Variants in SENP5 observed in about 807,000 individuals in gnomAD.
SENP5 encodes the protein SUMO specific peptidase 5, also known as sentrin-specific protease 5.
In SENP5, 21 loss-of-function variants were observed where a neutral mutation model predicts 74.2. The observed-to-expected ratio is 0.28, with a 90% CI of 0.20 to 0.41. The LOEUF (loss-of-function observed/expected upper bound fraction) is 0.41. SENP5 is among the 10% of genes least tolerant of loss of function. SENP5 has a pLI of 1.00. For missense variants in SENP5, 717 were observed against 889.1 expected (o/e 0.81, Z 2.46); for synonymous variants, 311 against 312.7 (o/e 0.99, Z 0.06).
intron 2 of SENP5, among the ~76,000 whole-genome samples, chr3:196,895,370 T>C (rs1714399858): frequency 6.7e-6 from 1 of 150,246 alleles, no homozygotes; most frequent in South Asian, 2.1e-4. Flanking sequence ...TATTTTTTAG[T>C]AGAGACAGGG....
intron 5 of SENP5, among the ~76,000 whole-genome samples, chr3:196,901,366 A>T (rs1394697476): frequency 2.0e-5 from 3 of 152,004 alleles, no homozygotes; most frequent in Non-Finnish European, 4.4e-5. Context: ...TTTAACTTAA[A>T]ATCTTGCTCT....
chr3:196,922,485 C>G (rs1386280622), intron 6 of SENP5, among the ~76,000 whole-genome samples: 1 of 151,572 alleles, frequency 6.6e-6, no homozygotes, highest in East Asian at 1.9e-4. Flanking sequence ...GGTCTCACTC[C>G]GTCGCCCAGG....
At chr3:196,873,259 G>T (rs1713296604) in intron 1 of SENP5, among the ~76,000 whole-genome samples, 1 of 151,584 alleles carries the variant, frequency 6.6e-6, no homozygotes, top group African/African-American at 2.4e-5. Context: ...TTTTAGTAGA[G>T]ACGGGGTTTC....
At chr3:196,912,663 C>T (rs753731892) in intron 6 of SENP5, 3 of 152,166 alleles carry the variant, frequency 2.0e-5, no homozygotes, top group South Asian at 2.1e-4. Context: ...ACATGTATCC[C>T]GGAACTTTAA....
intron 6 of SENP5, chr3:196,904,829 G>A (rs961127723): frequency 6.6e-6 from 1 of 152,168 alleles, no homozygotes; most frequent in African/African-American, 2.4e-5. Context: ...AGACATTAGA[G>A]GGTTTAAGCA....
At chr3:196,921,981 G>T (rs1396594019) in intron 6 of SENP5, among the ~76,000 whole-genome samples, 1 of 152,162 alleles carries the variant, frequency 6.6e-6, no homozygotes, top group Non-Finnish European at 1.5e-5. Context: ...TCTACAACTG[G>T]AATTTTGAGT....
chr3:196,882,356 G>T (rs1200120221), intron 1 of SENP5, among the ~76,000 whole-genome samples: 1 of 152,024 alleles, frequency 6.6e-6, no homozygotes, highest in African/African-American at 2.4e-5. Flanking sequence ...TTCCCAAACT[G>T]AAATTCTGTA....
chr3:196,923,627 C>A, intron 7 of SENP5, 76 bp downstream of exon 7: 1 of 1,009,646 alleles, frequency 9.9e-7, no homozygotes, highest in Non-Finnish European at 1.5e-6. Flanking sequence ...GATAGAACAG[C>A]AGCAGTCAAA....
intron 2 of SENP5, among the ~76,000 whole-genome samples, chr3:196,895,809 A>G (rs556939800): frequency 9.7e-4 from 148 of 152,292 alleles, no homozygotes; most frequent in Admixed American, 2.4e-3. Context: ...GGCATGAGCC[A>G]CCGTGCCTGG....
chr3:196,883,306 C>CT (rs1308984402), intron 1 of SENP5, among the ~76,000 whole-genome samples: 1 of 152,070 alleles, frequency 6.6e-6, no homozygotes, highest in Non-Finnish European at 1.5e-5. Context: ...CCAAATATCA[C>CT]TATCTGTTGG....
At chr3:196,930,463 C>T (rs1715994036) in intron 9 of SENP5, among the ~76,000 whole-genome samples, 1 of 152,182 alleles carries the variant, frequency 6.6e-6, no homozygotes, top group Non-Finnish European at 1.5e-5. Flanking sequence ...TTTAAACAGA[C>T]ATGAAAATGC....
At chr3:196,923,139 A>G (rs1336403926) in intron 6 of SENP5, among the ~76,000 whole-genome samples, 1 of 152,248 alleles carries the variant, frequency 6.6e-6, no homozygotes, top group Non-Finnish European at 1.5e-5. Flanking sequence ...TGAGGTAAAC[A>G]AGGAGCCAAG....
rs1352770739 is a variant in SENP5 at position 196,884,667 on chromosome 3, TTTTTTTG to T, written c.-31-477_-31-471del. 7.8e-3 allele frequency among the ~76,000 whole-genome samples: 1,021 copies of T among 130,852 alleles called. 12 individuals carry two copies. Among genetic ancestry groups the T allele is most frequent in the African/African-American group, 0.034 (967 of 28,348 alleles). 85.8% of individuals were successfully genotyped at this position (130,852 alleles called of 152,430 possible). ...CACACTGAGGTTACAGAAATCAGTTTTTTTTTGTTTTTTTTTTTTTTGAGATGGAGTT... is the reference window on the plus strand; with the variant it reads ...CACACTGAGGTTACAGAAATCAGTTTTTTTTTTTTTTTTTGAGATGGAGTT... On this transcript the variant is annotated intron_variant, in intron 1 of 9. Coordinates refer to ENST00000323460, the MANE Select transcript of SENP5 (RefSeq NM_152699.5).
chr3:196,919,072 A>G (rs1715506906), intron 6 of SENP5, among the ~76,000 whole-genome samples: 2 of 152,226 alleles, frequency 1.3e-5, no homozygotes. Flanking sequence ...GAGAGATACC[A>G]TCACAAAGAA....
intron 6 of SENP5, among the ~76,000 whole-genome samples, chr3:196,917,719 T>A (rs145009056): frequency 6.6e-6 from 1 of 152,278 alleles, no homozygotes; most frequent in East Asian, 1.9e-4. Flanking sequence ...GAAAATATAC[T>A]TCAAACATGA....
intron 6 of SENP5, among the ~76,000 whole-genome samples, chr3:196,922,426 C>T (rs1167278925): frequency 1.3e-5 from 2 of 152,110 alleles, no homozygotes; most frequent in African/African-American, 2.4e-5. Context: ...TGCTTCGGAG[C>T]CCATGATCTT....
intron 2 of SENP5, among the ~76,000 whole-genome samples, chr3:196,889,392 A>T (rs1261483382): frequency 6.6e-6 from 1 of 152,206 alleles, no homozygotes; most frequent in Non-Finnish European, 1.5e-5. Flanking sequence ...TAAAACCTGT[A>T]GCATGACCTG....
chr3:196,876,517 CAA>C (rs11294142), intron 1 of SENP5, among the ~76,000 whole-genome samples: 48 of 95,376 alleles, frequency 5.0e-4, no homozygotes, highest in Admixed American at 7.5e-4. Flanking sequence ...GATTCTGTCT[CAA>C]AAAAAAAAAA....
rs577355581 is a variant in SENP5 at position 196,915,753 on chromosome 3, G to A, written c.1885-7661G>A. ...AAGTGAAGGAAGAGAATGAGAGATC[G>A]CCTAATAATCTAGGAAATTCCTCTC... is the stretch of plus-strand genomic sequence containing the variant. On this transcript the variant is annotated intron_variant, in intron 6 of 9. Coordinates refer to ENST00000323460, the MANE Select transcript of SENP5 (RefSeq NM_152699.5). 7.9e-5 allele frequency among the ~76,000 whole-genome samples: 12 copies of A among 152,216 alleles called. No individual in the cohort carries two copies. The South Asian group carries it at 1.9e-3, about 24-fold the overall frequency.
Sources: gnomAD v4.1 joint callset for allele counts (sites outside exome capture counted in the v4.1 genomes callset) on GRCh38, gnomAD v4.1.1 for gene constraint, MANE v1.5 for transcripts, NCBI Gene and HGNC (gene_info 2026-07-23, HGNC 2026-07-21) for gene names.